The following SLCO1B3 variants were observed in gnomAD, a reference collection of about 807,000 sequenced individuals.
SLCO1B3 encodes the protein solute carrier organic anion transporter family member 1B3.
SLCO1B3 carries 72 observed loss-of-function variants against 71.8 expected under a neutral mutation model. The ratio of observed to expected loss-of-function variants is 1.00; its 90% CI spans 0.83 to 1.22. SLCO1B3 has a LOEUF of 1.22. Ranked by LOEUF, SLCO1B3 falls within the 50% of genes most tolerant of loss-of-function variation. SLCO1B3 has a pLI of 0.00. For synonymous variants in SLCO1B3, 298 were observed against 278.4 expected, an observed-to-expected ratio of 1.07 and a Z score of -0.70; for missense variants, 911 against 819.7, an observed-to-expected ratio of 1.11 and a Z score of -1.36.
intron 15 of SLCO1B3, among the ~76,000 whole-genome samples, chr12:20,906,091 T>C (rs1866240279): frequency 6.6e-6 from 1 of 151,996 alleles, no homozygotes; most frequent in African/African-American, 2.4e-5. Context: ...CATGATCCAA[T>C]CACCTCCCAC....
At chr12:20,896,747 C>G (rs934020727) in intron 13 of SLCO1B3, among the ~76,000 whole-genome samples, 2 of 152,160 alleles carry the variant, frequency 1.3e-5, no homozygotes, top group African/African-American at 4.8e-5. Flanking sequence ...ACGTCCCACT[C>G]TACCGGTACC....
Position 20,898,457 on chromosome 12 carries a change from A to C in SLCO1B3, c.1704A>C (p.Lys568Asn), listed in dbSNP as rs1866060587. 1.3e-6 allele frequency: 2 copies of C among 1,599,448 alleles called. No individual in the cohort carries two copies. The highest frequency in any genetic ancestry group is 1.1e-5 in the South Asian group (1 of 90,204). Residue 568 changes from lysine to asparagine, a missense_variant, in exon 14 of 16, where the codon AAA (lysine) becomes AAC (asparagine). Lys to Asn is a moderately conservative substitution (Grantham distance 94). Coordinates refer to ENST00000381545, the MANE Select transcript of SLCO1B3 (RefSeq NM_019844.4). ...TCAGGATTGTTCAACCTGAATTGAA[A>C]GCACTTGCAATGGGTTTCCAGTCAA... ...LTVKIVQPEL[K>N]ALAMGFQSMV...
chr12:20,858,019 G>A (rs914402558), intron 4 of SLCO1B3, among the ~76,000 whole-genome samples: 3 of 151,858 alleles, frequency 2.0e-5, no homozygotes, highest in African/African-American at 4.8e-5. Flanking sequence ...CAAGTACCAC[G>A]ATTTTTTTTT....
At chr12:20,825,204 T>C (rs1581193) in intron 3 of SLCO1B3, among the ~76,000 whole-genome samples, 122,742 of 152,030 alleles carry the variant, frequency 0.81, 49,838 homozygotes, top group East Asian at 0.97. Flanking sequence ...AACGCAGGGG[T>C]CCTGATGCTG....
intron 3 of SLCO1B3, among the ~76,000 whole-genome samples, chr12:20,841,980 TTTCAAGTGAGG>T (rs1864814210): frequency 6.6e-6 from 1 of 151,306 alleles, no homozygotes; most frequent in Non-Finnish European, 1.5e-5. Flanking sequence ...TGTCGCCCAG[TTTCAAGTGAGG>T]TTCAAGTGAT....
chr12:20,826,190 T>C (rs1003946909), intron 3 of SLCO1B3, among the ~76,000 whole-genome samples: 2 of 151,020 alleles, frequency 1.3e-5, no homozygotes, highest in Non-Finnish European at 2.9e-5. Flanking sequence ...CAGAGGGTTA[T>C]GTTAGAAGAA....
At chr12:20,862,282 G>T in intron 6 of SLCO1B3, 130 bp from the exon 7 acceptor site, 2 of 1,082,670 alleles carry the variant, frequency 1.8e-6, no homozygotes, top group Non-Finnish European at 2.6e-6. Context: ...TTTGTAAAGT[G>T]AATATGAATC....
intron 3 of SLCO1B3, among the ~76,000 whole-genome samples, chr12:20,825,813 A>G (rs868094549): frequency 6.6e-5 from 10 of 150,902 alleles, no homozygotes; most frequent in South Asian, 2.1e-4. Flanking sequence ...AAAAAAAAAA[A>G]AAAGAAAGAA....
chr12:20,834,426 C>T (rs1169830202), intron 3 of SLCO1B3, among the ~76,000 whole-genome samples: 1 of 145,046 alleles, frequency 6.9e-6, no homozygotes, highest in African/African-American at 2.5e-5. Flanking sequence ...GGTAGAGTAA[C>T]AGGTTATATA....
intron 3 of SLCO1B3, among the ~76,000 whole-genome samples, chr12:20,821,862 C>T (rs956471009): frequency 4.6e-5 from 7 of 152,166 alleles, no homozygotes; most frequent in East Asian, 1.9e-4. Flanking sequence ...AGTCCGTGAC[C>T]GGCACCGGAG....
At chr12:20,824,397 T>C (rs1294707919) in intron 3 of SLCO1B3, among the ~76,000 whole-genome samples, 1 of 152,200 alleles carries the variant, frequency 6.6e-6, no homozygotes, top group Non-Finnish European at 1.5e-5. Flanking sequence ...AATGATGCTA[T>C]ATCTAAATTT....
chr12:20,907,172 G>T (rs1866262792), intron 15 of SLCO1B3, among the ~76,000 whole-genome samples: 1 of 152,054 alleles, frequency 6.6e-6, no homozygotes, highest in Non-Finnish European at 1.5e-5. Context: ...ATATTTCTTA[G>T]TTCAGGTTAG....
At chr12:20,872,144 G>A (rs1865486805) in intron 8 of SLCO1B3, among the ~76,000 whole-genome samples, 1 of 151,972 alleles carries the variant, frequency 6.6e-6, no homozygotes, top group Admixed American at 6.6e-5. Context: ...ACAGGCAGAG[G>A]AGCCTCTCCC....
intron 9 of SLCO1B3, among the ~76,000 whole-genome samples, chr12:20,877,417 C>T (rs1865603870): frequency 6.6e-6 from 1 of 152,042 alleles, no homozygotes; most frequent in African/African-American, 2.4e-5. Flanking sequence ...AATTCCAGTT[C>T]ATTACAAAGA....
At chr12:20,840,631 T>C (rs1230261332) in intron 3 of SLCO1B3, among the ~76,000 whole-genome samples, 1 of 151,968 alleles carries the variant, frequency 6.6e-6, no homozygotes, top group Non-Finnish European at 1.5e-5. Flanking sequence ...GACCTCACAA[T>C]CCACCAGCTT....
At chr12:20,882,141 G>C (rs1305243783) in intron 12 of SLCO1B3, among the ~76,000 whole-genome samples, 4 of 152,140 alleles carry the variant, frequency 2.6e-5, no homozygotes, top group Non-Finnish European at 5.9e-5. Flanking sequence ...ACCTGAAAGA[G>C]AGGTGATATT....
intron 15 of SLCO1B3, among the ~76,000 whole-genome samples, chr12:20,904,561 G>A (rs1245912913): frequency 1.3e-5 from 2 of 151,972 alleles, no homozygotes; most frequent in Non-Finnish European, 2.9e-5. Flanking sequence ...CAGGCACACA[G>A]TGCAAGCTGT....
At chr12:20,864,978 T>C (rs1415929188) in intron 8 of SLCO1B3, among the ~76,000 whole-genome samples, 2 of 152,102 alleles carry the variant, frequency 1.3e-5, no homozygotes, top group Non-Finnish European at 2.9e-5. Context: ...TCTATACTTT[T>C]CATACAGAAT....
intron 8 of SLCO1B3, among the ~76,000 whole-genome samples, chr12:20,864,862 A>G (rs2417941): frequency 0.72 from 110,049 of 151,960 alleles, 42,449 homozygotes; most frequent in South Asian, 0.9. Flanking sequence ...TGAGTAAAGA[A>G]TATCAAGGGC....
Sources: gnomAD v4.1 joint callset for allele counts (sites outside exome capture counted in the v4.1 genomes callset) on GRCh38, gnomAD v4.1.1 for gene constraint, MANE v1.5 for transcripts, NCBI Gene and HGNC (gene_info 2026-07-23, HGNC 2026-07-21) for gene names.